The following TMEM232 variants were observed in gnomAD, a reference collection of about 807,000 sequenced individuals.
TMEM232 encodes transmembrane protein 232.
In TMEM232, 80 loss-of-function variants were observed where a neutral mutation model predicts 78.8. The ratio of observed to expected loss-of-function variants is 1.01; its 90% confidence interval spans 0.85 to 1.22. TMEM232 has a LOEUF of 1.22. TMEM232 is among the 50% of genes most tolerant of loss of function. TMEM232 has a pLI of 0.00. For missense variants in TMEM232, 881 were observed against 742.2 expected, an observed-to-expected ratio of 1.19 and a Z score of -2.17; for synonymous variants, 297 against 254.3, an observed-to-expected ratio of 1.17 and a Z score of -1.60.
chr5:110,598,907 T>G (rs1021155719), intron 10 of TMEM232, among the ~76,000 whole-genome samples: 2 of 149,406 alleles, frequency 1.3e-5, no homozygotes, highest in Admixed American at 1.3e-4. Flanking sequence ...ATATACCTAA[T>G]GCTAAATGAC....
At chr5:110,447,787 C>G (rs770585114) in intron 12 of TMEM232, among the ~76,000 whole-genome samples, 3 of 151,918 alleles carry the variant, frequency 2.0e-5, no homozygotes, top group Non-Finnish European at 2.9e-5. Context: ...CAGTTAAAGA[C>G]AAACAGAAAA....
intron 1 of TMEM232, among the ~76,000 whole-genome samples, chr5:110,726,375 A>AG (rs1237225813): frequency 6.6e-6 from 1 of 152,082 alleles, no homozygotes; most frequent in African/African-American, 2.4e-5. Context: ...CCAACAAAAA[A>AG]GCTTCCCCTA....
At chr5:110,678,962 A>T (rs750642649) in intron 1 of TMEM232, among the ~76,000 whole-genome samples, 1 of 152,244 alleles carries the variant, frequency 6.6e-6, no homozygotes, top group Non-Finnish European at 1.5e-5. Context: ...TTTAAGAATT[A>T]TAAAGCTGCT....
intron 12 of TMEM232, among the ~76,000 whole-genome samples, chr5:110,508,320 G>T (rs1255461580): frequency 6.6e-6 from 1 of 151,894 alleles, no homozygotes; most frequent in Non-Finnish European, 1.5e-5. Context: ...ATTTATTAAA[G>T]ATAGAAAGCA....
At chr5:110,452,047 T>C (rs1760358608) in intron 12 of TMEM232, among the ~76,000 whole-genome samples, 1 of 152,140 alleles carries the variant, frequency 6.6e-6, no homozygotes, top group Non-Finnish European at 1.5e-5. Flanking sequence ...TTATTCAGTT[T>C]AGAATGTTTT....
intron 12 of TMEM232, among the ~76,000 whole-genome samples, chr5:110,480,470 C>T (rs1763738095): frequency 6.6e-6 from 1 of 151,932 alleles, no homozygotes; most frequent in South Asian, 2.1e-4. Context: ...TTGACCATAC[C>T]TGAGTAAAAG....
chr5:110,687,251 A>G (rs1235572166), intron 1 of TMEM232, among the ~76,000 whole-genome samples: 1 of 152,090 alleles, frequency 6.6e-6, no homozygotes, highest in Admixed American at 6.6e-5. Flanking sequence ...AATGTAAGTG[A>G]TTGGTAAACA....
chr5:110,664,746 G>C (rs575359979), intron 2 of TMEM232, among the ~76,000 whole-genome samples: 19 of 152,292 alleles, frequency 1.2e-4, no homozygotes, highest in African/African-American at 4.3e-4. Context: ...TCCTCACACA[G>C]AGGAGAGACT....
At chr5:110,649,225 G>A (rs1399556849) in intron 2 of TMEM232, among the ~76,000 whole-genome samples, 1 of 152,026 alleles carries the variant, frequency 6.6e-6, no homozygotes, top group African/African-American at 2.4e-5. Context: ...GAAAATTTGG[G>A]AGAGTAAAAA....
chr5:110,479,914 T>G (rs1489022020), intron 12 of TMEM232, among the ~76,000 whole-genome samples: 1 of 151,896 alleles, frequency 6.6e-6, no homozygotes, highest in African/African-American at 2.4e-5. Flanking sequence ...TGAAATACAA[T>G]ATAATTTTTT....
chr5:110,553,966 T>A (rs1774765234), intron 11 of TMEM232, among the ~76,000 whole-genome samples: 1 of 152,206 alleles, frequency 6.6e-6, no homozygotes, highest in South Asian at 2.1e-4. Context: ...TCTATTAAGA[T>A]GATAATGTGG....
chr5:110,615,678 G>A (rs550331029), intron 8 of TMEM232, among the ~76,000 whole-genome samples: 8 of 151,802 alleles, frequency 5.3e-5, no homozygotes, highest in East Asian at 1.9e-4. Context: ...AAACAGGAAC[G>A]GAAACAATAA....
chr5:110,640,907 T>C lies in TMEM232; in HGVS notation c.327A>G (p.Lys109=). 1 of 1,534,114 alleles carries C rather than the reference T, an allele frequency of 6.5e-7. No individual in the cohort carries two copies. The highest frequency in any genetic ancestry group is 8.8e-7 in the Non-Finnish European group (1 of 1,137,788). The change falls in exon 4 of 14, where the codon AAA becomes AAG. Residue 109 remains lysine (K), a synonymous_variant. Coordinates refer to ENST00000455884, the MANE Select transcript of TMEM232 (RefSeq NM_001039763.4). ...WTEVIYLAQC[K]GEIQDESLNM... ...AGTACGTACCATCTTGGATTTCCCC[T>C]TTGCATTGAGCCAGATATATTACTT...
chr5:110,603,374 C>G (rs1259850806), intron 10 of TMEM232, among the ~76,000 whole-genome samples: 1 of 152,024 alleles, frequency 6.6e-6, no homozygotes, highest in African/African-American at 2.4e-5. Context: ...CAGAAACGTG[C>G]AATCCCATCA....
At chr5:110,673,813 T>A (rs749516038) in intron 1 of TMEM232, among the ~76,000 whole-genome samples, 1 of 152,130 alleles carries the variant, frequency 6.6e-6, no homozygotes, top group Non-Finnish European at 1.5e-5. Flanking sequence ...AGTGAAACGG[T>A]ATGGCCATAC....
intron 12 of TMEM232, among the ~76,000 whole-genome samples, chr5:110,507,745 A>T (rs907150129): frequency 1.3e-5 from 2 of 152,170 alleles, no homozygotes; most frequent in Non-Finnish European, 2.9e-5. Context: ...AGTGAGCATT[A>T]TTGGAATAAG....
chr5:110,445,868 A>C (rs189808758), intron 12 of TMEM232, among the ~76,000 whole-genome samples: 4 of 152,294 alleles, frequency 2.6e-5, no homozygotes, highest in Non-Finnish European at 5.9e-5. Flanking sequence ...AGTGAATGAG[A>C]AAGTTAAAGT....
chr5:110,568,874 A>G (rs1339292387), intron 10 of TMEM232, among the ~76,000 whole-genome samples: 1 of 151,940 alleles, frequency 6.6e-6, no homozygotes, highest in Non-Finnish European at 1.5e-5. Flanking sequence ...TACTTCATAA[A>G]TTTAAAAGTT....
intron 2 of TMEM232, among the ~76,000 whole-genome samples, chr5:110,413,162 G>C (rs311713): frequency 0.28 from 41,801 of 151,964 alleles, 9,553 homozygotes; most frequent in African/African-American, 0.62. Flanking sequence ...CTAATCAGCT[G>C]CCAGTGCAGC....
Sources: allele counts gnomAD v4.1 joint callset (sites outside exome capture counted in the v4.1 genomes callset), GRCh38; gene constraint gnomAD v4.1.1; transcripts MANE v1.5; gene names NCBI Gene and HGNC (gene_info 2026-07-23, HGNC 2026-07-21).